The following JPH1 variants were observed in gnomAD, a reference collection of about 807,000 sequenced individuals.
JPH1 encodes junctophilin-1.
In JPH1, 12 loss-of-function variants were observed where a neutral mutation model predicts 53.6. The ratio of observed to expected loss-of-function variants is 0.22; its 90% confidence interval spans 0.14 to 0.36. The LOEUF is 0.36. Ranked by LOEUF, JPH1 falls within the 10% of genes least tolerant of loss-of-function variation. The pLI, the probability that JPH1 is intolerant of heterozygous loss-of-function variation, is 1.00. For synonymous variants in JPH1, 375 were observed against 363.8 expected, an observed-to-expected ratio of 1.03 and a Z score of -0.35; for missense variants, 808 against 905.5, an observed-to-expected ratio of 0.89 and a Z score of 1.38.
chr8:74,286,486 G>T (rs903776439), intron 2 of JPH1, among the ~76,000 whole-genome samples: 2 of 152,116 alleles, frequency 1.3e-5, no homozygotes, highest in East Asian at 3.9e-4. Context: ...TTTGCCAGAG[G>T]CACCCTACTG....
In JPH1 at chr8:74,321,448, C is replaced by T; in HGVS notation, c.-161G>A. ...GGCTCCAGTCCGACGCCGCCCCCGT[C>T]CTCCCTCCTCTTTTGCCGCCGCCAC... On this transcript the variant is annotated 5_prime_UTR_variant, in exon 1 of 6. Coordinates refer to ENST00000342232, the MANE Select transcript of JPH1 (RefSeq NM_020647.4). This position sits in a 1 kb window ranked among gnomAD's most constrained non-coding sequence, Gnocchi z 4.3. 1 of 621,232 alleles carries T rather than the reference C, an allele frequency of 1.6e-6. No individual in the cohort carries two copies. Among genetic ancestry groups the T allele is most frequent in the Non-Finnish European group, 2.5e-6 (1 of 407,840 alleles). 38.5% of individuals were successfully genotyped at this position (621,232 alleles called of 1,614,324 possible).
intron 3 of JPH1, among the ~76,000 whole-genome samples, chr8:74,253,035 A>C (rs1806112349): frequency 6.6e-6 from 1 of 152,108 alleles, no homozygotes; most frequent in Non-Finnish European, 1.5e-5. Context: ...CTCTGCACCA[A>C]GCAGATCTAA....
intron 2 of JPH1, among the ~76,000 whole-genome samples, chr8:74,309,041 C>A (rs760729849): frequency 6.6e-6 from 1 of 152,170 alleles, no homozygotes; most frequent in East Asian, 1.9e-4. Flanking sequence ...ACCTTAGTTC[C>A]GAGCTGAACA....
intron 2 of JPH1, among the ~76,000 whole-genome samples, chr8:74,277,453 A>G (rs1036658691): frequency 3.9e-5 from 6 of 152,222 alleles, no homozygotes; most frequent in Admixed American, 6.5e-5. Context: ...ATTATTTAGG[A>G]TTCACAGACT....
chr8:74,261,470 C>A (rs1271751653), intron 2 of JPH1, among the ~76,000 whole-genome samples: 1 of 152,044 alleles, frequency 6.6e-6, no homozygotes, highest in Non-Finnish European at 1.5e-5. Context: ...TATTTCTAAA[C>A]CATGGAGGAT....
rs1325700230 is a variant in JPH1 at position 74,315,211 on chromosome 8, A to G, written c.789T>C (p.Asp263=). 6.2e-7 allele frequency: 1 copy of G among 1,614,058 alleles called. No homozygotes were observed. The highest frequency in any genetic ancestry group is 8.5e-7 in the Non-Finnish European group (1 of 1,180,034). The change falls in exon 2 of 6, where the codon GAT becomes GAC. Residue 263 remains aspartate (D), a synonymous_variant. Transcript: ENST00000342232. This position sits in a 1 kb window ranked among gnomAD's most constrained non-coding sequence, Gnocchi z 6.3. ...GGTCTTCCACCGGGCAAAAATCACAATCTACATCGCCAAAGCTGATCGTGG... is the reference window on the plus strand; with the variant it reads ...GGTCTTCCACCGGGCAAAAATCACAGTCTACATCGCCAAAGCTGATCGTGG... The part of the protein sequence containing the change: ...ANSTISFGDV[D]CDFCPVEDHV...
At chr8:74,269,265 G>A (rs761444818) in intron 2 of JPH1, among the ~76,000 whole-genome samples, 3 of 152,276 alleles carry the variant, frequency 2.0e-5, no homozygotes, top group East Asian at 1.9e-4. Context: ...AAACCATTGC[G>A]CATCTTAAGG....
intron 1 of JPH1, among the ~76,000 whole-genome samples, chr8:74,319,962 T>C (rs1379671227): frequency 6.6e-6 from 1 of 152,226 alleles, no homozygotes; most frequent in African/African-American, 2.4e-5. Context: ...TCCTGGTATA[T>C]ACACAATCTC....
chr8:74,284,153 A>G (rs192691622), intron 2 of JPH1, among the ~76,000 whole-genome samples: 77 of 152,314 alleles, frequency 5.1e-4, no homozygotes, highest in Non-Finnish European at 8.2e-4. Context: ...CAAACTCTCT[A>G]TTGACACATC....
intron 2 of JPH1, among the ~76,000 whole-genome samples, chr8:74,303,105 C>T (rs780086349): frequency 6.6e-5 from 10 of 152,132 alleles, no homozygotes; most frequent in Admixed American, 2.0e-4. Flanking sequence ...AATTCCTAGT[C>T]ACTTAATGTG....
chr8:74,271,806 A>G (rs1366164332), intron 2 of JPH1, among the ~76,000 whole-genome samples: 2 of 152,104 alleles, frequency 1.3e-5, no homozygotes, highest in African/African-American at 4.8e-5. Context: ...TGAAAACATG[A>G]GGGCTGTCAG....
chr8:74,269,220 C>T (rs1419409637), intron 2 of JPH1, among the ~76,000 whole-genome samples: 1 of 152,240 alleles, frequency 6.6e-6, no homozygotes, highest in Non-Finnish European at 1.5e-5. Context: ...TGATGCCGAA[C>T]AGTATGAACA....
chr8:74,286,949 C>A (rs1283044500), intron 2 of JPH1, among the ~76,000 whole-genome samples: 1 of 152,138 alleles, frequency 6.6e-6, no homozygotes, highest in Non-Finnish European at 1.5e-5. Context: ...AAAAAATAAT[C>A]AAGGCAGGCT....
chr8:74,295,981 C>T (rs1012293607), intron 2 of JPH1, among the ~76,000 whole-genome samples: 8 of 130,314 alleles, frequency 6.1e-5, no homozygotes, highest in Non-Finnish European at 6.7e-5. Context: ...ACCATTTCCA[C>T]GAAAGGGAAC....
intron 2 of JPH1, among the ~76,000 whole-genome samples, chr8:74,265,146 A>T (rs2131399595): frequency 6.6e-6 from 1 of 152,308 alleles, no homozygotes; most frequent in East Asian, 1.9e-4. Context: ...GAAACAAAAC[A>T]TTCCTGGATT....
chr8:74,297,259 C>G (rs923256265), intron 2 of JPH1, among the ~76,000 whole-genome samples: 6 of 152,232 alleles, frequency 3.9e-5, no homozygotes, highest in Non-Finnish European at 1.5e-5. Flanking sequence ...TCCTCTCAAG[C>G]AGGGACTTGC....
At chr8:74,266,241 A>G (rs984535860) in intron 2 of JPH1, among the ~76,000 whole-genome samples, 61 of 152,116 alleles carry the variant, frequency 4.0e-4, no homozygotes, top group Non-Finnish European at 2.2e-4. Flanking sequence ...GAATGAATAA[A>G]CAAAATGTGT....
At chr8:74,259,293 G>T in intron 3 of JPH1, 92 bp downstream of exon 3, 1 of 975,308 alleles carries the variant, frequency 1.0e-6, no homozygotes, top group South Asian at 1.5e-5. Flanking sequence ...TGGGATTCAG[G>T]AAGCACACAT....
At chr8:74,266,126 T>G (rs1239679832) in intron 2 of JPH1, among the ~76,000 whole-genome samples, 2 of 147,238 alleles carry the variant, frequency 1.4e-5, no homozygotes, top group South Asian at 2.1e-4. Flanking sequence ...CAGTATATAC[T>G]AAAAAAAAAA....
Sources: allele counts gnomAD v4.1 joint callset (sites outside exome capture counted in the v4.1 genomes callset), GRCh38; gene constraint gnomAD v4.1.1; non-coding constraint Gnocchi (gnomAD v3.1); transcripts MANE v1.5; gene names NCBI Gene and HGNC (gene_info 2026-07-23, HGNC 2026-07-21).